Variants in LAMA3 observed in about 807,000 individuals in gnomAD.
LAMA3 encodes the protein laminin subunit alpha-3.
In LAMA3, 281 loss-of-function variants were observed where a neutral mutation model predicts 402.0. The ratio of observed to expected loss-of-function variants is 0.70; its 90% CI spans 0.63 to 0.77. The LOEUF (loss-of-function observed/expected upper bound fraction) is 0.77, where lower values mean the gene tolerates loss of function less well. Ranked by LOEUF, LAMA3 falls within the 30% of genes least tolerant of loss-of-function variation. The pLI is 0.00. For synonymous variants in LAMA3, 1,431 were observed against 1,558.4 expected, an observed-to-expected ratio of 0.92 and a Z score of 1.93; for missense variants, 3,840 against 4,215.5, an observed-to-expected ratio of 0.91 and a Z score of 2.47.
intron 71 of LAMA3, 40 bp downstream of exon 71, chr18:23,949,964 A>G: frequency 6.2e-7 from 1 of 1,613,996 alleles, no homozygotes; most frequent in Non-Finnish European, 8.5e-7. Context: ...TTTGCATCTT[A>G]AGAACTGTAT....
chr18:23,886,272 C>G (rs755990739), intron 41 of LAMA3, among the ~76,000 whole-genome samples: 15 of 152,184 alleles, frequency 9.9e-5, no homozygotes, highest in Non-Finnish European at 1.5e-4. Context: ...AGTTTATATT[C>G]TTACAGCAGC....
At chr18:23,954,139 C>T (rs1290711222) in intron 74 of LAMA3, among the ~76,000 whole-genome samples, 1 of 152,164 alleles carries the variant, frequency 6.6e-6, no homozygotes, top group Non-Finnish European at 1.5e-5. Context: ...TGGTGGCTCA[C>T]ACCTGTAATC....
chr18:23,802,667 T>G (rs1257474930), intron 12 of LAMA3, among the ~76,000 whole-genome samples: 1 of 152,194 alleles, frequency 6.6e-6, no homozygotes, highest in Non-Finnish European at 1.5e-5. Context: ...AAGCATTTCT[T>G]CCTCTGGAAC....
At chr18:23,713,148 A>G in intron 1 of LAMA3, among the ~76,000 whole-genome samples, 1 of 152,154 alleles carries the variant, frequency 6.6e-6, no homozygotes, top group Non-Finnish European at 1.5e-5. Flanking sequence ...ATGGATCCCC[A>G]TTTACTTACT....
At chr18:23,888,256 G>A (rs1411999339) in intron 41 of LAMA3, among the ~76,000 whole-genome samples, 2 of 152,126 alleles carry the variant, frequency 1.3e-5, no homozygotes, top group African/African-American at 4.8e-5. Context: ...GGATACATGG[G>A]CCTTCTGCTT....
chr18:23,716,156 CA>C (rs2061094774), intron 2 of LAMA3, among the ~76,000 whole-genome samples: 1 of 151,994 alleles, frequency 6.6e-6, no homozygotes, highest in African/African-American at 2.4e-5. Flanking sequence ...AATTACCTAC[CA>C]TATCGATTTT....
Position 23,741,726 on chromosome 18 carries a change from G to A in LAMA3, c.448-6217G>A, listed in dbSNP as rs560306801. Among the ~76,000 whole-genome samples the A allele has an allele frequency of 2.6e-5, 4 of 152,234 alleles. 1 individual carries two copies. In the South Asian group the frequency reaches 8.3e-4, roughly 32 times the overall value. Reference sequence around the variant, plus strand: ...ATGTAAAAAAGGTAACTTACGATGGGGAAATATGATGGACATCTTTTGAAG... The same window carrying A: ...ATGTAAAAAAGGTAACTTACGATGGAGAAATATGATGGACATCTTTTGAAG... On this transcript the variant is annotated intron_variant, in intron 2 of 74. Transcript: ENST00000313654.
chr18:23,834,003 C>A lies in LAMA3; in HGVS notation c.2984+15C>A. The A allele has an allele frequency of 6.2e-7, 1 of 1,613,924 alleles. No homozygotes were observed. The highest frequency in any genetic ancestry group is 8.5e-7 in the Non-Finnish European group (1 of 1,179,822). On this transcript the variant is annotated intron_variant, in intron 24 of 74. Transcript: ENST00000313654. ...TGCAACTACAGGTACTCAGCCCCAC[C>A]AAGGGAATTCCTCTGTAAAGGAACA...
intron 7 of LAMA3, among the ~76,000 whole-genome samples, chr18:23,759,263 A>C (rs891206629): frequency 1.1e-4 from 16 of 151,012 alleles, no homozygotes; most frequent in African/African-American, 3.9e-4. Context: ...CTTGAGCCCA[A>C]GAGTTGGTGC....
intron 64 of LAMA3, among the ~76,000 whole-genome samples, chr18:23,929,813 A>G (rs911097333): frequency 3.3e-5 from 5 of 152,134 alleles, no homozygotes; most frequent in Admixed American, 1.3e-4. Context: ...ATGATACCTA[A>G]CACTTGTTTC....
chr18:23,771,254 G>T (rs1568167278), intron 8 of LAMA3, among the ~76,000 whole-genome samples: 3 of 152,160 alleles, frequency 2.0e-5, no homozygotes, highest in Admixed American at 1.3e-4. Context: ...TGGATGCAGC[G>T]ACATGCAAGA....
At chr18:23,848,515 G>C (rs2063873023) in intron 32 of LAMA3, among the ~76,000 whole-genome samples, 1 of 152,180 alleles carries the variant, frequency 6.6e-6, no homozygotes. Flanking sequence ...GGGAAACTGA[G>C]TCAGAGGCCA....
rs139857224 is a variant in LAMA3, at chr18:23,698,687, T to G, written c.294+8710T>G. On this transcript the variant is annotated intron_variant, in intron 1 of 74. Transcript: ENST00000313654. ...TCCAATCAACTAATAAGAATGGTGC[T>G]GCCTGGAGACAAGCGTGCCCACGCA... 5.5e-3 allele frequency among the ~76,000 whole-genome samples: 833 copies of G among 152,382 alleles called. 7 individuals are homozygous for G. Among genetic ancestry groups the G allele is most frequent in the African/African-American group, 0.019 (776 of 41,598 alleles).
chr18:23,805,676 G>A (rs1461038858), intron 12 of LAMA3, among the ~76,000 whole-genome samples: 2 of 152,164 alleles, frequency 1.3e-5, no homozygotes, highest in African/African-American at 4.8e-5. Flanking sequence ...TGACTAGAGG[G>A]CCACAGTGAC....
chr18:23,749,708 C>A (rs1391760949), intron 4 of LAMA3, among the ~76,000 whole-genome samples, 162 bp downstream of exon 4: 5 of 152,158 alleles, frequency 3.3e-5, no homozygotes, highest in African/African-American at 1.2e-4. Context: ...ATTGAGGGCT[C>A]CCAGAATGAG....
At chr18:23,826,408 T>C (rs2063382833) in intron 21 of LAMA3, among the ~76,000 whole-genome samples, 1 of 152,240 alleles carries the variant, frequency 6.6e-6, no homozygotes, top group Non-Finnish European at 1.5e-5. Context: ...TTTATTATCT[T>C]TGTTAATTTG....
intron 72 of LAMA3, 68 bp downstream of exon 72, chr18:23,950,227 G>C: frequency 1.3e-6 from 2 of 1,592,534 alleles, no homozygotes; most frequent in Middle Eastern, 2.1e-4. Context: ...AGGCCACAGC[G>C]GGTCAGGTTT....
chr18:23,908,678 A>T (rs2081336073), intron 54 of LAMA3, among the ~76,000 whole-genome samples: 1 of 151,712 alleles, frequency 6.6e-6, no homozygotes, highest in South Asian at 2.1e-4. Context: ...GTTCCTCCTT[A>T]TCCTCAGGGG....
At chr18:23,925,316 G>A (rs959532331) in intron 62 of LAMA3, among the ~76,000 whole-genome samples, 22 of 152,168 alleles carry the variant, frequency 1.4e-4, no homozygotes, top group African/African-American at 5.1e-4. Context: ...TCTTGGAATG[G>A]CTTGTTTCCG....
Sources: gnomAD v4.1 joint callset for allele counts (sites outside exome capture counted in the v4.1 genomes callset) on GRCh38, gnomAD v4.1.1 for gene constraint, MANE v1.5 for transcripts, NCBI Gene and HGNC (gene_info 2026-07-23, HGNC 2026-07-21) for gene names.